The following WSCD2 variants were observed in gnomAD, a reference collection of about 807,000 sequenced individuals.
WSCD2 encodes the protein WSC domain sialate O sulfotransferase 2, also known as sialate:O-sulfotransferase 2.
Under a neutral mutation model 55.7 loss-of-function variants are expected in WSCD2, and 28 were observed. That is an observed-to-expected ratio of 0.50 (90% confidence interval 0.37 to 0.69). WSCD2 has a LOEUF of 0.69. Among genes scored for constraint, WSCD2 ranks in the 30% least tolerant of loss-of-function variants. The pLI is 0.00. For synonymous variants in WSCD2, 301 were observed against 301.9 expected, an observed-to-expected ratio of 1.00 and a Z score of 0.03; for missense variants, 616 against 762.1, an observed-to-expected ratio of 0.81 and a Z score of 2.26.
chr12:108,205,632 C>G (rs1043800296), intron 2 of WSCD2, among the ~76,000 whole-genome samples: 8 of 152,214 alleles, frequency 5.3e-5, no homozygotes, highest in African/African-American at 1.4e-4. Context: ...GTACTTTACA[C>G]AGCACTGTGA....
chr12:108,171,058 G>A (rs765951551), intron 1 of WSCD2, among the ~76,000 whole-genome samples: 1 of 152,132 alleles, frequency 6.6e-6, no homozygotes, highest in African/African-American at 2.4e-5. Context: ...GAAATGAATC[G>A]CTGGGTACCT....
At chr12:108,182,514 G>A (rs1319466818) in intron 1 of WSCD2, among the ~76,000 whole-genome samples, 1 of 152,206 alleles carries the variant, frequency 6.6e-6, no homozygotes, top group African/African-American at 2.4e-5. Flanking sequence ...ATATGCCCAG[G>A]AGAGAGGTCT....
intron 1 of WSCD2, among the ~76,000 whole-genome samples, chr12:108,194,709 G>T (rs1212323103): frequency 6.6e-6 from 1 of 152,122 alleles, no homozygotes; most frequent in Non-Finnish European, 1.5e-5. Flanking sequence ...TAGAGGAGAG[G>T]GGCTATGGAT....
chr12:108,198,004 G>C (rs765832502), intron 2 of WSCD2, among the ~76,000 whole-genome samples: 1 of 149,554 alleles, frequency 6.7e-6, no homozygotes, highest in South Asian at 2.2e-4. Context: ...ATCAAACCTC[G>C]ACTTCCCATA....
intron 4 of WSCD2, among the ~76,000 whole-genome samples, chr12:108,222,532 T>C (rs947484117): frequency 7.2e-5 from 11 of 152,234 alleles, no homozygotes; most frequent in Non-Finnish European, 1.3e-4. Flanking sequence ...TCACACTGTG[T>C]TAACAATGCC....
chr12:108,216,647 G>A (rs1006547968), intron 4 of WSCD2, among the ~76,000 whole-genome samples: 8 of 152,260 alleles, frequency 5.3e-5, no homozygotes, highest in Non-Finnish European at 8.8e-5. Context: ...AGATGGGGAA[G>A]AAAGCTAATA....
chr12:108,247,210 T>C (rs1325997730), intron 8 of WSCD2, among the ~76,000 whole-genome samples: 1 of 151,988 alleles, frequency 6.6e-6, no homozygotes, highest in African/African-American at 2.4e-5. Context: ...CGGTTTTCTC[T>C]TCTGTTAAAT....
chr12:108,143,433 GC>G (rs1877067097), intron 1 of WSCD2, among the ~76,000 whole-genome samples: 1 of 152,090 alleles, frequency 6.6e-6, no homozygotes, highest in South Asian at 2.1e-4. Context: ...GAGGGGGTGG[GC>G]CCCCAGTGGA....
chr12:108,209,756 C>T (rs183862019), intron 3 of WSCD2, among the ~76,000 whole-genome samples: 10 of 152,204 alleles, frequency 6.6e-5, no homozygotes, highest in Non-Finnish European at 1.2e-4. Context: ...GATCCCCCTG[C>T]CCCATGGAGC....
chr12:108,144,278 A>G (rs1421750700), intron 1 of WSCD2, among the ~76,000 whole-genome samples: 1 of 152,138 alleles, frequency 6.6e-6, no homozygotes, highest in African/African-American at 2.4e-5. Context: ...CCTGGGTCAT[A>G]CGCGTTATGC....
At chr12:108,167,389 C>T (rs1042551242) in intron 1 of WSCD2, 1 of 152,162 alleles carries the variant, frequency 6.6e-6, no homozygotes, top group Non-Finnish European at 1.5e-5. Context: ...ACCTCCCCCA[C>T]CCCACTCCAA....
intron 4 of WSCD2, among the ~76,000 whole-genome samples, chr12:108,216,484 C>A (rs1466586784): frequency 6.6e-6 from 1 of 152,194 alleles, no homozygotes; most frequent in East Asian, 1.9e-4. Flanking sequence ...CTGTGAAAAG[C>A]AGTGGCCCTG....
intron 1 of WSCD2, among the ~76,000 whole-genome samples, chr12:108,166,756 C>CTTTCT (rs200227782): frequency 2.1e-5 from 1 of 48,460 alleles, no homozygotes; most frequent in African/African-American, 5.3e-5. Flanking sequence ...TTCTTTCTTT[C>CTTTCT]TTTCTTTTCT....
At chr12:108,232,117 G>A (rs896431486) in intron 6 of WSCD2, among the ~76,000 whole-genome samples, 4 of 152,210 alleles carry the variant, frequency 2.6e-5, no homozygotes, top group Non-Finnish European at 5.9e-5. Flanking sequence ...GAGTGGATTA[G>A]AATGAGCCTG....
chr12:108,245,463 T>C (rs192916039), intron 8 of WSCD2, among the ~76,000 whole-genome samples: 2 of 152,336 alleles, frequency 1.3e-5, no homozygotes, highest in Admixed American at 6.5e-5. Context: ...GGACACTCTG[T>C]CATCTCCATC....
At chr12:108,137,110 A>G (rs944705437) in intron 1 of WSCD2, among the ~76,000 whole-genome samples, 1 of 152,136 alleles carries the variant, frequency 6.6e-6, no homozygotes, top group African/African-American at 2.4e-5. Context: ...GATGGCCCTG[A>G]TTTCTGCCTC....
chr12:108,194,264 A>T (rs1057145941), intron 1 of WSCD2, among the ~76,000 whole-genome samples: 1 of 152,188 alleles, frequency 6.6e-6, no homozygotes, highest in Middle Eastern at 3.2e-3. Context: ...CCAGGCTCTC[A>T]GGTGATTCTG....
At chr12:108,227,240 C>T in intron 6 of WSCD2, 76 bp downstream of exon 6, 1 of 1,507,104 alleles carries the variant, frequency 6.6e-7, no homozygotes. Context: ...CCTGCCAGTC[C>T]ATCCCACACA....
At chr12:108,180,209 G>A (rs1197486749) in intron 1 of WSCD2, among the ~76,000 whole-genome samples, 2 of 152,150 alleles carry the variant, frequency 1.3e-5, no homozygotes, top group South Asian at 2.1e-4. Context: ...TTTTCCTGAT[G>A]GCAGGGGTCA....
Sources: allele counts gnomAD v4.1 joint callset (sites outside exome capture counted in the v4.1 genomes callset), GRCh38; gene constraint gnomAD v4.1.1; transcripts MANE v1.5; gene names NCBI Gene and HGNC (gene_info 2026-07-23, HGNC 2026-07-21).